EIF2D: variants seen among roughly 807,000 people sequenced by gnomAD.
The protein encoded by EIF2D is eukaryotic translation initiation factor 2D, also known as hepatocellular carcinoma-associated antigen 56.
A neutral mutation model predicts 77.4 loss-of-function variants in EIF2D; 56 were observed. That is an observed-to-expected ratio of 0.72 (90% confidence interval 0.58 to 0.90). The LOEUF is 0.90. Among genes scored for constraint, EIF2D ranks in the 40% least tolerant of loss-of-function variants. The probability of loss-of-function intolerance (pLI) is 0.00; values close to 1 mark genes in which losing one functional copy is unlikely to be tolerated. For missense variants in EIF2D, 574 were observed against 706.5 expected (o/e 0.81, Z 2.13); for synonymous variants, 230 against 271.0 (o/e 0.85, Z 1.49).
chr1:206,606,468 T>C (rs557211046), intron 4 of EIF2D, among the ~76,000 whole-genome samples: 14 of 152,100 alleles, frequency 9.2e-5, no homozygotes, highest in Non-Finnish European at 2.1e-4. Context: ...AAACCATCCA[T>C]AGCTCCACCC....
downstream of EIF2D, among the ~76,000 whole-genome samples, chr1:206,569,576 C>A (rs1668384245): frequency 6.6e-6 from 1 of 152,248 alleles, no homozygotes; most frequent in African/African-American, 2.4e-5. Flanking sequence ...AGGGCCACCT[C>A]AGTCTGCTGG....
At chr1:206,593,490 A>T (rs113332386) in intron 14 of EIF2D, 129 bp downstream of exon 14, 14 of 243,106 alleles carry the variant, frequency 5.8e-5, no homozygotes, top group South Asian at 2.3e-4. Flanking sequence ...AGAGAGAGCG[A>T]GAGAGAGAGA....
At chr1:206,598,372 A>T (rs1170753281) in intron 11 of EIF2D, among the ~76,000 whole-genome samples, 1 of 152,234 alleles carries the variant, frequency 6.6e-6, no homozygotes, top group Non-Finnish European at 1.5e-5. Context: ...AACTCTCTTC[A>T]TCTGGTAGTT....
chr1:206,597,704 G>C (rs2102283032), intron 11 of EIF2D, among the ~76,000 whole-genome samples: 2 of 152,318 alleles, frequency 1.3e-5, no homozygotes, highest in Middle Eastern at 6.8e-3. Flanking sequence ...CAGCACTTTG[G>C]GACGCCGAGA....
chr1:206,593,504 A>AGTGTGTGTGTGCGCGT, intron 14 of EIF2D, 115 bp downstream of exon 14: 1 of 404,960 alleles, frequency 2.5e-6, no homozygotes, highest in Non-Finnish European at 3.7e-6. Context: ...AGAGAGAGAG[A>AGTGTGTGTGTGCGCGT]GAGAGTGTGT....
intron 2 of EIF2D, chr1:206,583,659 G>T (rs1332832726): frequency 1.0e-5 from 4 of 401,450 alleles, no homozygotes; most frequent in South Asian, 4.4e-5. Flanking sequence ...GTGATTAAAC[G>T]GTACGTAATG....
At position 206,592,542 on chromosome 1, in the gene EIF2D, AAGG is replaced by A. The variant is rs1669390610; in HGVS notation, c.1685-700_1685-698del. ...ATGCAAGGAGAATCTGGAGAACTGC[AAGG>A]AGACCAGGACAGCTGGTGCCTGCAA... On this transcript the variant is annotated intron_variant, in intron 14 of 14. Transcript: ENST00000271764. This position sits in a 1 kb window ranked among gnomAD's most constrained non-coding sequence, Gnocchi z 4.7. 6.6e-6 allele frequency among the ~76,000 whole-genome samples: 1 copy of A among 152,220 alleles called. No individual in the cohort carries two copies. Among genetic ancestry groups the A allele is most frequent in the South Asian group, 2.1e-4 (1 of 4,836 alleles).
Position 206,592,114 on chromosome 1 carries a change from A to C in EIF2D, c.1685-269T>G, listed in dbSNP as rs931236272. On this transcript the variant is annotated intron_variant, in intron 14 of 14. Coordinates refer to ENST00000271764, the MANE Select transcript of EIF2D (RefSeq NM_006893.3). This position sits in a 1 kb window ranked among gnomAD's most constrained non-coding sequence, Gnocchi z 4.7. ...GTCTGTGCTCCTCGCTCTTGCTCATAACATTTCTTCTCAGTACCTTGTATG... is the reference window on the plus strand; with the variant it reads ...GTCTGTGCTCCTCGCTCTTGCTCATCACATTTCTTCTCAGTACCTTGTATG... Among the ~76,000 whole-genome samples the C allele has an allele frequency of 6.6e-6, 1 of 152,232 alleles. No individual in the cohort carries two copies. The highest frequency in any genetic ancestry group is 6.5e-5 in the Admixed American group (1 of 15,290).
chr1:206,578,232 A>AG (rs1553405555), intron 4 of EIF2D, among the ~76,000 whole-genome samples: 16,955 of 130,070 alleles, frequency 0.13, 1,086 homozygotes, highest in South Asian at 0.25. Flanking sequence ...CAAAAAAAAA[A>AG]AGTGTGTGTG....
chr1:206,587,387 G>A (rs1031366522), downstream of EIF2D: 9 of 295,578 alleles, frequency 3.0e-5, no homozygotes, highest in Admixed American at 2.5e-4. Flanking sequence ...TACTTGCCAC[G>A]TACAGGACCA....
At chr1:206,573,459 T>C (rs1207082759) in intron 4 of EIF2D, among the ~76,000 whole-genome samples, 1 of 152,174 alleles carries the variant, frequency 6.6e-6, no homozygotes, top group Non-Finnish European at 1.5e-5. Flanking sequence ...TGGGACGCCA[T>C]AGAGGGCAAG....
At chr1:206,574,069 A>G (rs1668548131) in intron 4 of EIF2D, among the ~76,000 whole-genome samples, 1 of 152,216 alleles carries the variant, frequency 6.6e-6, no homozygotes, top group African/African-American at 2.4e-5. Context: ...TTAATATTAT[A>G]ATGAGGCTCT....
chr1:206,574,853 C>CTTTTTTT (rs71570015), intron 4 of EIF2D, among the ~76,000 whole-genome samples: 9 of 86,108 alleles, frequency 1.0e-4, no homozygotes, highest in East Asian at 8.3e-4. Flanking sequence ...GGACCAATGA[C>CTTTTTTT]TTTTTTTTTT....
At position 206,598,335 on chromosome 1, in the gene EIF2D, G is replaced by A. The variant is rs1399943913; in HGVS notation, c.1292+668C>T. On this transcript the variant is annotated intron_variant, in intron 11 of 14. Transcript: ENST00000271764. ...TTACAGACATAAGCCACAGTGTCCG[G>A]CCATTAAAGTAAAAAACAATTAATG... Among the ~76,000 whole-genome samples the A allele has an allele frequency of 2.0e-5, 3 of 152,126 alleles. No homozygotes were observed. In the South Asian group the frequency reaches 6.2e-4, roughly 32 times the overall value.
Position 206,609,441 on chromosome 1 carries a change from T to A in EIF2D, c.266A>T (p.Tyr89Phe), listed in dbSNP as rs782792616. The A allele has an allele frequency of 1.6e-5, 26 of 1,614,058 alleles. No homozygotes were observed. The highest frequency in any genetic ancestry group is 1.7e-5 in the Non-Finnish European group (20 of 1,180,020). Residue 89 changes from tyrosine to phenylalanine, a missense_variant, in exon 3 of 15, where the codon TAT becomes TTT. Coordinates refer to ENST00000271764, the MANE Select transcript of EIF2D (RefSeq NM_006893.3). ...TGTAAAGGTTGGCAGAAGATCAGGA[T>A]AGGACCACAGCGTGTACACTGTACA... is the stretch of plus-strand genomic sequence containing the variant. ...LYPTVYTLWS[Y>F]PDLLPTFTTW...
At chr1:206,593,454 T>C (rs550906900) in intron 14 of EIF2D, among the ~76,000 whole-genome samples, 165 bp downstream of exon 14, 1 of 136,472 alleles carries the variant, frequency 7.3e-6, no homozygotes, top group African/African-American at 2.9e-5. Context: ...AAATAGCTAC[T>C]AAAAACTAAA....
chr1:206,602,493 T>C, intron 6 of EIF2D, 40 bp from the exon 7 acceptor site: 1 of 1,562,588 alleles, frequency 6.4e-7, no homozygotes, highest in Non-Finnish European at 8.8e-7. Context: ...TCCTGAGGGA[T>C]ACAGAACACC....
At chr1:206,593,960 T>C in intron 13 of EIF2D, 167 bp from the exon 14 acceptor site, 1 of 562,540 alleles carries the variant, frequency 1.8e-6, no homozygotes, top group East Asian at 3.1e-5. Flanking sequence ...TTTGTGCTTC[T>C]AAATTGATTC....
chr1:206,594,031 A>C (rs1669516654), intron 13 of EIF2D: 1 of 347,704 alleles, frequency 2.9e-6, no homozygotes, highest in Non-Finnish European at 5.2e-6. Flanking sequence ...TCTGTATCAC[A>C]CAGAATGTCT....
Sources: gnomAD v4.1 joint callset for allele counts (sites outside exome capture counted in the v4.1 genomes callset) on GRCh38, gnomAD v4.1.1 for gene constraint, Gnocchi (gnomAD v3.1) non-coding constraint, MANE v1.5 for transcripts, NCBI Gene and HGNC (gene_info 2026-07-23, HGNC 2026-07-21) for gene names.